The following TBL1XR1 variants were observed in gnomAD, a reference collection of about 807,000 sequenced individuals.
TBL1XR1 encodes F-box-like/WD repeat-containing protein TBL1XR1.
A neutral mutation model predicts 66.9 loss-of-function variants in TBL1XR1; 5 were observed. That is an observed-to-expected ratio of 0.07 (90% CI 0.04 to 0.16). The LOEUF is 0.16. Ranked by LOEUF, TBL1XR1 falls within the 10% of genes least tolerant of loss-of-function variation. TBL1XR1 has a pLI of 1.00. For missense variants in TBL1XR1, 238 were observed against 623.2 expected (o/e 0.38, Z 6.58); for synonymous variants, 210 against 206.0 (o/e 1.02, Z -0.17).
rs1716418732 is a variant in TBL1XR1, at chr3:177,047,012, AGAC to A, written c.864+285_864+287del. ...CACTCCAGAGCCATATTCACTGGTG[AGAC>A]TAACTAGAAATTGTAGAAGGGAAGC... On this transcript the variant is annotated intron_variant, in intron 9 of 15. Coordinates refer to ENST00000457928, the MANE Select transcript of TBL1XR1 (RefSeq NM_024665.7). Among the ~76,000 whole-genome samples, 3 of 144,420 alleles carry A rather than the reference AGAC, an allele frequency of 2.1e-5. No homozygotes were observed. The Admixed American group carries it at 2.1e-4, about 10-fold the overall frequency. The allele number at this position is 144,420 out of a possible 152,430, so 94.7% of individuals were successfully genotyped here. A position where few individuals can be genotyped will look rare whatever the true frequency, so the allele number is the denominator to read the frequency against.
intron 1 of TBL1XR1, among the ~76,000 whole-genome samples, chr3:177,147,955 C>A (rs1476808006): frequency 6.6e-6 from 1 of 152,212 alleles, no homozygotes; most frequent in African/African-American, 2.4e-5. Flanking sequence ...TCACAGGGGA[C>A]ACAGAGCTAC....
chr3:177,050,634 C>G (rs1017259207), intron 5 of TBL1XR1, 24 bp from the exon 6 acceptor site: 2 of 1,612,912 alleles, frequency 1.2e-6, no homozygotes, highest in Non-Finnish European at 1.7e-6. Flanking sequence ...CACAAGTAAG[C>G]ATTTCCAGTT....
chr3:177,167,956 TAA>T (rs996782171), intron 1 of TBL1XR1, among the ~76,000 whole-genome samples: 22 of 151,818 alleles, frequency 1.4e-4, no homozygotes, highest in Admixed American at 1.2e-3. Flanking sequence ...ATAAGTATCT[TAA>T]AAAAGTGTTG....
chr3:177,102,429 CTA>C (rs1209191856), intron 1 of TBL1XR1, among the ~76,000 whole-genome samples: 1 of 152,164 alleles, frequency 6.6e-6, no homozygotes, highest in Non-Finnish European at 1.5e-5. Flanking sequence ...ACTCATTTAC[CTA>C]TGTCCTAGCC....
intron 1 of TBL1XR1, among the ~76,000 whole-genome samples, chr3:177,171,571 C>T (rs1733503226): frequency 6.6e-6 from 1 of 151,368 alleles, no homozygotes; most frequent in Non-Finnish European, 1.5e-5. Flanking sequence ...GGTGTGGTGG[C>T]GGGCGCCTGT....
chr3:177,178,694 C>T (rs149882963), intron 1 of TBL1XR1, among the ~76,000 whole-genome samples: 5 of 151,854 alleles, frequency 3.3e-5, no homozygotes, highest in South Asian at 2.1e-4. Context: ...AGGAATCCAG[C>T]GATCTATTGG....
At chr3:177,130,982 C>G (rs540338665) in intron 1 of TBL1XR1, among the ~76,000 whole-genome samples, 4 of 152,246 alleles carry the variant, frequency 2.6e-5, no homozygotes, top group Non-Finnish European at 5.9e-5. Context: ...GGCAACATAG[C>G]AAGACCCTGT....
chr3:177,160,727 G>A (rs1172100064), intron 1 of TBL1XR1: 2 of 152,084 alleles, frequency 1.3e-5, no homozygotes, highest in African/African-American at 4.8e-5. Context: ...CAGGCGTGGT[G>A]GTTCACACCT....
At chr3:177,197,892 T>G (rs1393046176), upstream of TBL1XR1, among the ~76,000 whole-genome samples, 3 of 144,420 alleles carry the variant, frequency 2.1e-5, no homozygotes, top group African/African-American at 5.0e-5. Context: ...TGTGCTCGGG[T>G]GTGGGCCGCT....
intron 3 of TBL1XR1, among the ~76,000 whole-genome samples, chr3:177,058,237 C>A (rs146676255): frequency 6.6e-6 from 1 of 152,252 alleles, no homozygotes; most frequent in African/African-American, 2.4e-5. Context: ...CAGAAAAGCT[C>A]AGCAAATTAT....
intron 1 of TBL1XR1, among the ~76,000 whole-genome samples, chr3:177,130,835 A>T (rs1728208186): frequency 6.6e-6 from 1 of 152,194 alleles, no homozygotes; most frequent in Admixed American, 6.5e-5. Flanking sequence ...AAAGGCCACC[A>T]TATTTGGGGT....
chr3:177,044,157 C>T (rs1185154246), intron 10 of TBL1XR1, among the ~76,000 whole-genome samples: 1 of 152,176 alleles, frequency 6.6e-6, no homozygotes, highest in Non-Finnish European at 1.5e-5. Flanking sequence ...CTAACCAGTG[C>T]ACTTTTCATC....
chr3:177,051,697 T>C lies in TBL1XR1; in HGVS notation c.234A>G (p.Ile78Met). 1 of 1,596,194 alleles carries C rather than the reference T, an allele frequency of 6.3e-7. No homozygotes were observed. Among genetic ancestry groups the C allele is most frequent in the Non-Finnish European group, 8.6e-7 (1 of 1,168,572 alleles). The change falls in exon 5 of 16, where the codon ATA becomes ATG. Residue 78 changes from isoleucine to methionine, a missense_variant. By Grantham distance (10) the Ile-to-Met change is conservative (BLOSUM62 1). Around this residue, in one of 8 missense-constraint regions of TBL1XR1, gnomAD observed 80 missense variants for 100.5 expected, o/e 0.80. Coordinates refer to ENST00000457928, the MANE Select transcript of TBL1XR1 (RefSeq NM_024665.7). ...EDGTLFDGRP[I>M]ESLSLIDAVM... ...CGGCATCTATCAGGGACAGAGACTC[T>C]ATTGGTCGACCATCAAACAAGGTAC...
At chr3:177,057,833 G>C (rs1717994924) in intron 3 of TBL1XR1, among the ~76,000 whole-genome samples, 1 of 152,140 alleles carries the variant, frequency 6.6e-6, no homozygotes, top group South Asian at 2.1e-4. Context: ...AGGGAGAAGA[G>C]AGACTCCAGA....
chr3:177,130,211 C>A (rs1282093026), intron 1 of TBL1XR1, among the ~76,000 whole-genome samples: 1 of 151,374 alleles, frequency 6.6e-6, no homozygotes, highest in African/African-American at 2.4e-5. Context: ...TATCCTTTGA[C>A]CGTGAAATTC....
chr3:177,055,474 G>A (rs1717677265), intron 3 of TBL1XR1, among the ~76,000 whole-genome samples: 1 of 138,960 alleles, frequency 7.2e-6, no homozygotes, highest in African/African-American at 2.7e-5. Flanking sequence ...CCATAAGCAA[G>A]ATCATAATTA....
chr3:177,192,411 A>AAAG (rs1553764325), intron 1 of TBL1XR1, among the ~76,000 whole-genome samples: 2,259 of 151,684 alleles, frequency 0.015, 52 homozygotes, highest in African/African-American at 0.052. Context: ...AAAAAAAAAA[A>AAAG]AAAGAAAGAA....
chr3:177,063,411 A>G (rs574896508), intron 3 of TBL1XR1, among the ~76,000 whole-genome samples: 11 of 152,302 alleles, frequency 7.2e-5, no homozygotes, highest in Admixed American at 1.3e-4. Context: ...CCTTTACAAT[A>G]TATTTCCCAT....
intron 1 of TBL1XR1, among the ~76,000 whole-genome samples, chr3:177,129,386 C>A (rs531395584): frequency 6.6e-6 from 1 of 152,158 alleles, no homozygotes; most frequent in Non-Finnish European, 1.5e-5. Context: ...AAGTGCTCAA[C>A]CTCCTTGCAA....
Sources: allele counts gnomAD v4.1 joint callset (sites outside exome capture counted in the v4.1 genomes callset), GRCh38; gene constraint gnomAD v4.1.1; regional missense constraint gnomAD v4.1.1; transcripts MANE v1.5; gene names NCBI Gene and HGNC (gene_info 2026-07-23, HGNC 2026-07-21).